The following CAPZB variants were observed in gnomAD, a reference collection of about 807,000 sequenced individuals.
CAPZB encodes F-actin-capping protein subunit beta.
Under a neutral mutation model 38.1 loss-of-function variants are expected in CAPZB, and 2 were observed. That is an observed-to-expected ratio of 0.05 (90% CI 0.02 to 0.17). CAPZB has a LOEUF of 0.17. Among genes scored for constraint, CAPZB ranks in the 10% least tolerant of loss-of-function variants. CAPZB has a pLI of 1.00. For synonymous variants in CAPZB, 107 were observed against 127.4 expected, an observed-to-expected ratio of 0.84 and a Z score of 1.08; for missense variants, 161 against 334.2, an observed-to-expected ratio of 0.48 and a Z score of 4.04.
At chr1:19,360,322 G>A (rs987460002) in intron 4 of CAPZB, among the ~76,000 whole-genome samples, 1 of 152,150 alleles carries the variant, frequency 6.6e-6, no homozygotes, top group African/African-American at 2.4e-5. Context: ...ATCAAAAGAG[G>A]GGGAAGAAAA....
chr1:19,468,793 C>A (rs1228491026), intron 1 of CAPZB, among the ~76,000 whole-genome samples: 1 of 152,198 alleles, frequency 6.6e-6, no homozygotes, highest in African/African-American at 2.4e-5. Context: ...TCGGCACACG[C>A]CGTCTCTCTG....
In CAPZB at chr1:19,447,941, C is replaced by T. The variant is rs184579871; in HGVS notation, c.4-28191G>A. 3.9e-5 allele frequency among the ~76,000 whole-genome samples: 6 copies of T among 152,332 alleles called. No homozygotes were observed. The East Asian group carries it at 1.2e-3, about 29-fold the overall frequency. On this transcript the variant is annotated intron_variant, in intron 1 of 8. Coordinates refer to ENST00000264202, the MANE Select transcript of CAPZB (RefSeq NM_004930.5). ...ATGTTGCTCTCTAATCACACCCTCA[C>T]TCCCCTGCACTCTAATAAGCTTCCG...
chr1:19,339,352 C>G lies in CAPZB; in HGVS notation c.*178G>C. ...GGTGTGGCAGAAGCAGGCTCGGAGCCGGAGGAGGGTGGCTATCGGCTTTAT... is the reference window on the plus strand; with the variant it reads ...GGTGTGGCAGAAGCAGGCTCGGAGCGGGAGGAGGGTGGCTATCGGCTTTAT... On this transcript the variant is annotated 3_prime_UTR_variant, in exon 9 of 9. Coordinates refer to ENST00000264202, the MANE Select transcript of CAPZB (RefSeq NM_004930.5). The G allele has an allele frequency of 1.5e-6, 1 of 657,226 alleles. No homozygotes were observed. The highest frequency in any genetic ancestry group is 2.7e-6 in the Non-Finnish European group (1 of 365,944). The allele number at this position is 657,226 out of a possible 1,614,324, so 40.7% of individuals were successfully genotyped here.
At chr1:19,374,948 A>C (rs544648150) in intron 4 of CAPZB, among the ~76,000 whole-genome samples, 1 of 151,990 alleles carries the variant, frequency 6.6e-6, no homozygotes, top group African/African-American at 2.4e-5. Flanking sequence ...CTGCCTCTCC[A>C]CCCCATGGAA....
At chr1:19,372,393 G>C (rs561832625) in intron 4 of CAPZB, among the ~76,000 whole-genome samples, 94 of 152,318 alleles carry the variant, frequency 6.2e-4, no homozygotes, top group African/African-American at 2.2e-3. Flanking sequence ...CCAGCCCTTT[G>C]GTCAGAACAT....
intron 3 of CAPZB, among the ~76,000 whole-genome samples, chr1:19,384,474 C>T (rs1166991872): frequency 6.6e-6 from 1 of 152,242 alleles, no homozygotes; most frequent in Non-Finnish European, 1.5e-5. Context: ...AGAAACACTA[C>T]TATTTCCGTT....
At chr1:19,460,088 C>T (rs2094545932) in intron 1 of CAPZB, among the ~76,000 whole-genome samples, 1 of 152,148 alleles carries the variant, frequency 6.6e-6, no homozygotes, top group Non-Finnish European at 1.5e-5. Flanking sequence ...AAACTGTATG[C>T]TGAGGTTACT....
chr1:19,456,801 A>T (rs2094534486), intron 1 of CAPZB, among the ~76,000 whole-genome samples: 1 of 152,268 alleles, frequency 6.6e-6, no homozygotes, highest in African/African-American at 2.4e-5. Context: ...CAATAATGTT[A>T]TAAAGGGAGA....
At position 19,344,452 on chromosome 1, in the gene CAPZB, C is replaced by A; in HGVS notation, c.655-18G>T. 6.2e-7 allele frequency: 1 copy of A among 1,607,912 alleles called. No homozygotes were observed. Among genetic ancestry groups the A allele is most frequent in the Non-Finnish European group, 8.5e-7 (1 of 1,174,332 alleles). On this transcript the variant is annotated intron_variant, in intron 7 of 8. Coordinates refer to ENST00000264202, the MANE Select transcript of CAPZB (RefSeq NM_004930.5). ...TCCATGTCCTGGAAGGGAGGTCGGT[C>A]AGCGCAGTGGCAAAAGGTCAGGAAC...
intron 8 of CAPZB, among the ~76,000 whole-genome samples, chr1:19,343,861 G>C (rs576762171): frequency 6.6e-6 from 1 of 152,344 alleles, no homozygotes; most frequent in Admixed American, 6.5e-5. Context: ...GGCCCCCTGA[G>C]AACGCCCAGG....
chr1:19,343,604 G>C (rs1013006307), intron 8 of CAPZB, among the ~76,000 whole-genome samples: 1 of 152,186 alleles, frequency 6.6e-6, no homozygotes, highest in Non-Finnish European at 1.5e-5. Context: ...GGGAGATCCC[G>C]GCCTCCTGAC....
intron 4 of CAPZB, among the ~76,000 whole-genome samples, chr1:19,367,685 T>TC (rs1192352772): frequency 2.0e-5 from 3 of 152,054 alleles, no homozygotes; most frequent in Non-Finnish European, 4.4e-5. Context: ...GGTGCAACAA[T>TC]CCCCCGAGTC....
chr1:19,366,226 C>T (rs2094084679), intron 4 of CAPZB, among the ~76,000 whole-genome samples: 1 of 148,928 alleles, frequency 6.7e-6, no homozygotes, highest in Non-Finnish European at 1.5e-5. Context: ...GTGGGGGGAT[C>T]ACTTGACTCC....
At chr1:19,342,836 TTTGG>T (rs2093938049) in intron 8 of CAPZB, 2 of 1,610,934 alleles carry the variant, frequency 1.2e-6, no homozygotes, top group Non-Finnish European at 1.7e-6. Flanking sequence ...TGCTTAAACT[TTTGG>T]TTGTCAGGGA....
intron 1 of CAPZB, among the ~76,000 whole-genome samples, chr1:19,481,047 G>A (rs2094626694): frequency 6.6e-6 from 1 of 152,144 alleles, no homozygotes; most frequent in Non-Finnish European, 1.5e-5. Context: ...CCCTCATTAC[G>A]ACCTTATGCA....
At chr1:19,440,577 AG>A (rs965385702) in intron 1 of CAPZB, among the ~76,000 whole-genome samples, 1 of 151,936 alleles carries the variant, frequency 6.6e-6, no homozygotes, top group African/African-American at 2.4e-5. Context: ...TGATGTTGCT[AG>A]GTGTTTGGTT....
intron 1 of CAPZB, among the ~76,000 whole-genome samples, chr1:19,472,709 A>ATTTTTTTTTTTTT (rs11334966): frequency 3.3e-5 from 2 of 61,166 alleles, no homozygotes; most frequent in African/African-American, 1.4e-4. Flanking sequence ...TTCATTCTTC[A>ATTTTTTTTTTTTT]TTTTTTTTTT....
intron 1 of CAPZB, among the ~76,000 whole-genome samples, chr1:19,446,742 C>T (rs1046439598): frequency 3.9e-5 from 6 of 152,066 alleles, no homozygotes; most frequent in African/African-American, 1.4e-4. Flanking sequence ...ATTAGCGAAA[C>T]TGAATATAAA....
chr1:19,411,477 G>A (rs925545443), intron 2 of CAPZB, among the ~76,000 whole-genome samples: 3 of 152,178 alleles, frequency 2.0e-5, no homozygotes, highest in African/African-American at 7.2e-5. Flanking sequence ...TTCTAGGACA[G>A]CTCAGGACTG....
Sources: gnomAD v4.1 joint callset for allele counts (sites outside exome capture counted in the v4.1 genomes callset) on GRCh38, gnomAD v4.1.1 for gene constraint, MANE v1.5 for transcripts, NCBI Gene and HGNC (gene_info 2026-07-23, HGNC 2026-07-21) for gene names.